ZSWIM6: variants seen among roughly 807,000 people sequenced by gnomAD.
The protein encoded by ZSWIM6 is zinc finger SWIM-type containing 6.
Under a neutral mutation model 113.2 loss-of-function variants are expected in ZSWIM6, and 9 were observed. The ratio of observed to expected loss-of-function variants is 0.08; its 90% CI spans 0.05 to 0.14. The LOEUF is 0.14. ZSWIM6 is among the 10% of genes least tolerant of loss of function. ZSWIM6 has a pLI of 1.00. For synonymous variants in ZSWIM6, 611 were observed against 606.5 expected, an observed-to-expected ratio of 1.01 and a Z score of -0.11; for missense variants, 1,162 against 1,552.2, an observed-to-expected ratio of 0.75 and a Z score of 4.22.
At chr5:61,430,865 A>G (rs1273739032) in intron 1 of ZSWIM6, among the ~76,000 whole-genome samples, 1 of 152,206 alleles carries the variant, frequency 6.6e-6, no homozygotes, top group Non-Finnish European at 1.5e-5. Flanking sequence ...TAGTTGTGAA[A>G]GTTGCAGTTA....
intron 2 of ZSWIM6, among the ~76,000 whole-genome samples, chr5:61,482,463 A>G (rs1488826785): frequency 2.0e-5 from 3 of 152,316 alleles, no homozygotes; most frequent in Admixed American, 6.5e-5. Flanking sequence ...CATGTTCTGC[A>G]CATGTATTCC....
In ZSWIM6 at chr5:61,526,408, G is replaced by T; in HGVS notation, c.1837+12G>T. The T allele has an allele frequency of 6.4e-7, 1 of 1,551,792 alleles. No homozygotes were observed. Among genetic ancestry groups the T allele is most frequent in the South Asian group, 1.2e-5 (1 of 84,008 alleles). ...AACCCAAAAAAAAGGTGAATGTGAA[G>T]GAGTTTGTTTCCATTGGAATGGGAT... On this transcript the variant is annotated intron_variant, in intron 7 of 13. Coordinates refer to ENST00000252744, the MANE Select transcript of ZSWIM6 (RefSeq NM_020928.2).
chr5:61,449,531 T>C (rs983460884), intron 1 of ZSWIM6, among the ~76,000 whole-genome samples: 9 of 152,140 alleles, frequency 5.9e-5, no homozygotes, highest in Non-Finnish European at 1.0e-4. Context: ...TACCCAGAAA[T>C]ACTTTTTTAT....
chr5:61,369,913 C>A (rs948988608), intron 1 of ZSWIM6, among the ~76,000 whole-genome samples: 1 of 152,194 alleles, frequency 6.6e-6, no homozygotes, highest in Non-Finnish European at 1.5e-5. Context: ...AGATATTTCA[C>A]TGGACATCTG....
chr5:61,402,630 G>A (rs1201142597), intron 1 of ZSWIM6, among the ~76,000 whole-genome samples: 5 of 151,940 alleles, frequency 3.3e-5, no homozygotes, highest in Admixed American at 6.6e-5. Context: ...GATACTGTAT[G>A]GTTTCTAGAT....
chr5:61,350,841 G>A (rs935272885), intron 1 of ZSWIM6, among the ~76,000 whole-genome samples: 2 of 152,102 alleles, frequency 1.3e-5, no homozygotes, highest in Admixed American at 6.6e-5. Flanking sequence ...CACCTCTGTC[G>A]TAAGGCTGCT....
intron 1 of ZSWIM6, among the ~76,000 whole-genome samples, chr5:61,437,035 C>A (rs1746722855): frequency 1.3e-5 from 2 of 152,160 alleles, no homozygotes; most frequent in African/African-American, 4.8e-5. Context: ...GCATCTGCTT[C>A]AAGGCACACA....
intron 1 of ZSWIM6, among the ~76,000 whole-genome samples, chr5:61,388,064 C>A (rs1745626871): frequency 6.7e-6 from 1 of 149,930 alleles, no homozygotes; most frequent in Non-Finnish European, 1.5e-5. Context: ...CTCACTGCAA[C>A]CTCCGCCTCT....
At chr5:61,480,877 T>G (rs1747842183) in intron 2 of ZSWIM6, among the ~76,000 whole-genome samples, 1 of 152,158 alleles carries the variant, frequency 6.6e-6, no homozygotes, top group Non-Finnish European at 1.5e-5. Flanking sequence ...GATTTAATGT[T>G]TCCTAGCTTT....
intron 1 of ZSWIM6, among the ~76,000 whole-genome samples, chr5:61,333,303 A>C (rs1325117595): frequency 2.0e-5 from 3 of 150,442 alleles, no homozygotes; most frequent in East Asian, 2.0e-4. Context: ...GCGCGGGCGG[A>C]CGGCCGGCCT....
chr5:61,372,046 G>A lies in ZSWIM6; in HGVS notation c.676+39098G>A, dbSNP rs141594418. 2.5e-3 allele frequency among the ~76,000 whole-genome samples: 380 copies of A among 151,374 alleles called. 1 individual carries two copies. The highest frequency in any genetic ancestry group is 8.7e-3 in the African/African-American group (360 of 41,222). ...TTTTGTTGATTTATTATCTTTCGGA[G>A]TGAATAAATTCCATTTACTGATGGC... On this transcript the variant is annotated intron_variant, in intron 1 of 13. Transcript: ENST00000252744.
At chr5:61,511,364 T>C (rs1748782328) in intron 4 of ZSWIM6, among the ~76,000 whole-genome samples, 1 of 152,124 alleles carries the variant, frequency 6.6e-6, no homozygotes, top group African/African-American at 2.4e-5. Flanking sequence ...ATAGAACTCA[T>C]TGTTTAAAGT....
chr5:61,441,840 A>C (rs1260628971), intron 1 of ZSWIM6, among the ~76,000 whole-genome samples: 1 of 152,222 alleles, frequency 6.6e-6, no homozygotes, highest in Non-Finnish European at 1.5e-5. Flanking sequence ...ATGAACTGCC[A>C]CCTTACAGTG....
At chr5:61,495,600 CT>C (rs1161549366) in intron 4 of ZSWIM6, among the ~76,000 whole-genome samples, 3 of 152,102 alleles carry the variant, frequency 2.0e-5, no homozygotes, top group African/African-American at 2.4e-5. Flanking sequence ...GCCCTTCCCC[CT>C]AATCAAAATG....
chr5:61,412,872 C>T (rs1243314083), intron 1 of ZSWIM6, among the ~76,000 whole-genome samples: 1 of 152,004 alleles, frequency 6.6e-6, no homozygotes, highest in Non-Finnish European at 1.5e-5. Flanking sequence ...TTCATTCATT[C>T]CTTTTGAATA....
At chr5:61,452,048 G>A (rs1046204944) in intron 1 of ZSWIM6, among the ~76,000 whole-genome samples, 1 of 152,128 alleles carries the variant, frequency 6.6e-6, no homozygotes, top group Non-Finnish European at 1.5e-5. Flanking sequence ...GGAGCCTTTT[G>A]TGTGCCTCTC....
At position 61,543,707 on chromosome 5, in the gene ZSWIM6, C is replaced by T. The variant is rs1385299944; in HGVS notation, c.3038C>T (p.Ala1013Val). 10 of 1,551,636 alleles carry T rather than the reference C, an allele frequency of 6.4e-6. No individual in the cohort carries two copies. The highest frequency in any genetic ancestry group is 2.4e-5 in the East Asian group (1 of 40,912). ...CEKDHIAFET[A>V]YQIVLDAATT... is the part of the protein sequence containing the mutation. ...AAGGATCACATAGCTTTTGAGACGG[C>T]GTACCAAATTGTTCTCGACGCTGCT... Residue 1013 changes from alanine to valine, a missense_variant, in exon 14 of 14, where the codon GCG (alanine) becomes GTG (valine). Ala to Val is a moderately conservative substitution (Grantham distance 64). Coordinates refer to ENST00000252744, the MANE Select transcript of ZSWIM6 (RefSeq NM_020928.2). This position sits in a 1 kb window ranked among gnomAD's most constrained non-coding sequence, Gnocchi z 4.3.
chr5:61,359,205 G>C (rs1281632521), intron 1 of ZSWIM6, among the ~76,000 whole-genome samples: 4 of 152,192 alleles, frequency 2.6e-5, no homozygotes, highest in Non-Finnish European at 2.9e-5. Context: ...GGGACCAAAG[G>C]GGGAGTTTGG....
intron 1 of ZSWIM6, among the ~76,000 whole-genome samples, chr5:61,394,391 C>T (rs1242924595): frequency 6.6e-6 from 1 of 152,228 alleles, no homozygotes; most frequent in Admixed American, 6.5e-5. Flanking sequence ...TGACTGCTTG[C>T]ACCCTGGCAC....
Sources: gnomAD v4.1 joint callset for allele counts (sites outside exome capture counted in the v4.1 genomes callset) on GRCh38, gnomAD v4.1.1 for gene constraint, Gnocchi (gnomAD v3.1) non-coding constraint, MANE v1.5 for transcripts, NCBI Gene and HGNC (gene_info 2026-07-23, HGNC 2026-07-21) for gene names.